The following ZPBP variants were observed in gnomAD, a reference collection of about 807,000 sequenced individuals.
ZPBP encodes the protein zona pellucida-binding protein 1.
Under a neutral mutation model 44.8 loss-of-function variants are expected in ZPBP, and 26 were observed. That is an observed-to-expected ratio of 0.58 (90% CI 0.43 to 0.81). ZPBP has a LOEUF of 0.81. Among genes scored for constraint, ZPBP ranks in the 30% least tolerant of loss-of-function variants. ZPBP has a pLI of 0.00. For missense variants in ZPBP, 409 were observed against 434.0 expected, an observed-to-expected ratio of 0.94 and a Z score of 0.51; for synonymous variants, 174 against 153.2, an observed-to-expected ratio of 1.14 and a Z score of -1.00.
At chr7:50,086,726 T>C (rs1373096587) in intron 2 of ZPBP, among the ~76,000 whole-genome samples, 2 of 152,028 alleles carry the variant, frequency 1.3e-5, no homozygotes. Context: ...AGCATATCAA[T>C]GTATGCATAA....
chr7:50,041,986 T>C (rs954297642), intron 4 of ZPBP, among the ~76,000 whole-genome samples: 1 of 152,088 alleles, frequency 6.6e-6, no homozygotes, highest in African/African-American at 2.4e-5. Context: ...ATAAATGACC[T>C]GATGGAGCTA....
chr7:50,080,686 GAT>G (rs1409192378), intron 3 of ZPBP, among the ~76,000 whole-genome samples: 1 of 151,758 alleles, frequency 6.6e-6, no homozygotes, highest in Admixed American at 6.6e-5. Flanking sequence ...ATTAGAGAGT[GAT>G]AAAAATAAAA....
the ZPBP span, among the ~76,000 whole-genome samples, chr7:49,840,999 AC>A: frequency 6.6e-6 from 1 of 152,200 alleles, no homozygotes; most frequent in South Asian, 2.1e-4. Flanking sequence ...TAGAAGGAAT[AC>A]CTTTTTCAAG....
intron 4 of ZPBP, among the ~76,000 whole-genome samples, chr7:50,057,077 C>T (rs537615028): frequency 3.4e-4 from 51 of 151,310 alleles, no homozygotes; most frequent in African/African-American, 1.2e-3. Flanking sequence ...CCCAGCTAGT[C>T]GGGAAGCTGA....
At chr7:49,910,316 AATTT>A (rs1793341066) in intron 1 of ZPBP, among the ~76,000 whole-genome samples, 1 of 152,186 alleles carries the variant, frequency 6.6e-6, no homozygotes, top group Non-Finnish European at 1.5e-5. Context: ...TTGCTGGATT[AATTT>A]ATTTTTTAAA....
chr7:49,943,904 T>C, intron 7 of ZPBP: 1 of 290,488 alleles, frequency 3.4e-6, no homozygotes, highest in Non-Finnish European at 6.7e-6. Context: ...ACTCATGATC[T>C]TTTCTAGAAA....
chr7:49,979,685 C>A (rs908870499), intron 7 of ZPBP, among the ~76,000 whole-genome samples: 1 of 150,064 alleles, frequency 6.7e-6, no homozygotes, highest in Non-Finnish European at 1.5e-5. Context: ...TGAGGAGATG[C>A]AAATATTTTA....
intron 7 of ZPBP, among the ~76,000 whole-genome samples, chr7:49,981,382 ATAATT>A (rs1796897193): frequency 8.2e-5 from 1 of 12,204 alleles, no homozygotes; most frequent in African/African-American, 2.7e-4. Flanking sequence ...TATATTATAT[ATAATT>A]ATATATATTA....
the ZPBP span, among the ~76,000 whole-genome samples, chr7:49,843,863 T>C: frequency 6.6e-6 from 1 of 151,936 alleles, no homozygotes; most frequent in Non-Finnish European, 1.5e-5. Flanking sequence ...AGAGGATGAA[T>C]GGAAAAAAGA....
intron 2 of ZPBP, among the ~76,000 whole-genome samples, chr7:49,872,850 A>T (rs1179350115): frequency 3.0e-5 from 4 of 131,920 alleles, no homozygotes; most frequent in Non-Finnish European, 4.7e-5. Context: ...CAGGAGGCAG[A>T]GGTTGCAGTG....
intron 4 of ZPBP, among the ~76,000 whole-genome samples, chr7:50,051,439 A>C (rs766107409): frequency 3.3e-5 from 5 of 152,180 alleles, no homozygotes; most frequent in African/African-American, 4.8e-5. Flanking sequence ...CTGAGTATAT[A>C]CCGAAAGAAA....
intron 3 of ZPBP, among the ~76,000 whole-genome samples, chr7:50,076,517 A>G (rs189587786): frequency 1.8e-3 from 274 of 152,022 alleles, no homozygotes; most frequent in Non-Finnish European, 2.9e-3. Flanking sequence ...GGAAAAACCT[A>G]AAGACTTCAA....
chr7:50,089,104 G>C (rs1011887827), intron 2 of ZPBP, among the ~76,000 whole-genome samples: 1 of 152,020 alleles, frequency 6.6e-6, no homozygotes, highest in African/African-American at 2.4e-5. Context: ...TAATGGATTA[G>C]GTCTTTCTTT....
the ZPBP span, among the ~76,000 whole-genome samples, chr7:49,840,991 G>A: frequency 6.6e-6 from 1 of 152,346 alleles, no homozygotes; most frequent in South Asian, 2.1e-4. Context: ...AGAAGAGCTA[G>A]AAGGAATACC....
chr7:50,043,170 C>T (rs540173029), intron 4 of ZPBP, among the ~76,000 whole-genome samples: 4 of 152,348 alleles, frequency 2.6e-5, no homozygotes, highest in African/African-American at 9.6e-5. Context: ...CTTGTTTCGT[C>T]CCATCCCTTT....
chr7:50,023,874 G>A (rs138422013), intron 5 of ZPBP, among the ~76,000 whole-genome samples: 275 of 152,164 alleles, frequency 1.8e-3, no homozygotes, highest in African/African-American at 5.8e-3. Flanking sequence ...TGCCTTTGAT[G>A]AGCCCATCAG....
Position 49,952,361 on chromosome 7 carries a change from G to A in ZPBP, c.962-14739C>T. ...AAAACAATAAATGGTTAAAAGCAGT[G>A]GATTTAATGAATGACATAAATGAGC... On this transcript the variant is annotated intron_variant, in intron 7 of 7. Coordinates refer to ENST00000046087, the MANE Select transcript of ZPBP (RefSeq NM_007009.3). Among the ~76,000 whole-genome samples, 2 of 151,832 alleles carry A rather than the reference G, an allele frequency of 1.3e-5. 1 individual carries two copies. The highest frequency in any genetic ancestry group is 2.9e-5 in the Non-Finnish European group (2 of 67,846).
chr7:49,954,994 A>G (rs960608138), intron 7 of ZPBP, among the ~76,000 whole-genome samples: 23 of 152,244 alleles, frequency 1.5e-4, no homozygotes, highest in Admixed American at 1.5e-3. Flanking sequence ...TTTTCTGAAC[A>G]TAAGATATTT....
At chr7:50,036,661 A>G (rs1011841732) in intron 4 of ZPBP, among the ~76,000 whole-genome samples, 5 of 152,220 alleles carry the variant, frequency 3.3e-5, no homozygotes, top group Non-Finnish European at 7.3e-5. Flanking sequence ...AAGAAATCAT[A>G]GTAAATATGA....
Sources: gnomAD v4.1 joint callset for allele counts (sites outside exome capture counted in the v4.1 genomes callset) on GRCh38, gnomAD v4.1.1 for gene constraint, MANE v1.5 for transcripts, NCBI Gene and HGNC (gene_info 2026-07-23, HGNC 2026-07-21) for gene names.